HSPA12A: variants seen among roughly 807,000 people sequenced by gnomAD.
HSPA12A encodes heat shock protein family A (Hsp70) member 12A.
In HSPA12A, 28 loss-of-function variants were observed where a neutral mutation model predicts 69.2. The observed-to-expected ratio is 0.40, with a 90% CI of 0.30 to 0.55. The LOEUF is 0.55. Ranked by LOEUF, HSPA12A falls within the 20% of genes least tolerant of loss-of-function variation. The pLI is 0.38. For synonymous variants in HSPA12A, 345 were observed against 370.5 expected, an observed-to-expected ratio of 0.93 and a Z score of 0.79; for missense variants, 686 against 900.7, an observed-to-expected ratio of 0.76 and a Z score of 3.05.
At chr10:116,769,850 C>T (rs544755120) in intron 2 of HSPA12A, among the ~76,000 whole-genome samples, 9 of 152,244 alleles carry the variant, frequency 5.9e-5, no homozygotes, top group African/African-American at 1.4e-4. Flanking sequence ...TTGGGGTGTT[C>T]GGAAGAAAAT....
rs574092950 is a variant in HSPA12A at position 116,842,912 on chromosome 10, C to T, written c.3+6654G>A. On this transcript the variant is annotated intron_variant, in intron 1 of 12. Transcript: ENST00000635765. ...CCAGCCAGCCAAAGTTTCTTTTGCT[C>T]GATCTTTTCCTTTTCTCTTTACTAT... Among the ~76,000 whole-genome samples, 4 of 152,266 alleles carry T rather than the reference C, an allele frequency of 2.6e-5. No homozygotes were observed. In the East Asian group the frequency reaches 7.7e-4, roughly 29 times the overall value.
upstream of HSPA12A, among the ~76,000 whole-genome samples, chr10:116,743,080 C>CTGCAGACCAAGGA (rs1851567930): frequency 6.6e-6 from 1 of 151,216 alleles, no homozygotes; most frequent in Admixed American, 6.6e-5. Context: ...AGGACCCAGG[C>CTGCAGACCAAGGA]CGCAGACCAA....
At chr10:116,684,866 G>A (rs187161763) in intron 6 of HSPA12A, among the ~76,000 whole-genome samples, 4 of 152,226 alleles carry the variant, frequency 2.6e-5, no homozygotes, top group Admixed American at 2.0e-4. Flanking sequence ...ACTCCTGTGG[G>A]CCTTCAGAAG....
At chr10:116,847,524 T>TTTTC (rs1305878387) in intron 1 of HSPA12A, among the ~76,000 whole-genome samples, 1 of 152,180 alleles carries the variant, frequency 6.6e-6, no homozygotes, top group Non-Finnish European at 1.5e-5. Flanking sequence ...CTCAAACTAC[T>TTTTC]TTTCCACCCT....
chr10:116,702,309 T>G (rs1554881730), intron 3 of HSPA12A, among the ~76,000 whole-genome samples: 1 of 152,028 alleles, frequency 6.6e-6, no homozygotes, highest in Admixed American at 6.6e-5. Context: ...TGTGACCCCA[T>G]GCACAGCCCG....
intron 2 of HSPA12A, among the ~76,000 whole-genome samples, chr10:116,774,467 A>G (rs1454662738): frequency 6.6e-6 from 1 of 152,174 alleles, no homozygotes; most frequent in African/African-American, 2.4e-5. Context: ...TCAGGCCCCA[A>G]GGCAGATCTA....
At chr10:116,845,685 A>G (rs950200289) in intron 1 of HSPA12A, among the ~76,000 whole-genome samples, 7 of 152,274 alleles carry the variant, frequency 4.6e-5, no homozygotes, top group South Asian at 2.1e-4. Flanking sequence ...ACCCTTCTCA[A>G]GCTCAGAGAT....
At chr10:116,742,724 C>T (rs1851557328), upstream of HSPA12A, 2 of 489,564 alleles carry the variant, frequency 4.1e-6, no homozygotes, top group Non-Finnish European at 5.4e-6. Context: ...TGCCTGGCTC[C>T]GGAGCTGCGC....
intron 2 of HSPA12A, among the ~76,000 whole-genome samples, chr10:116,802,993 G>C (rs1844990533): frequency 6.6e-6 from 1 of 152,266 alleles, no homozygotes; most frequent in South Asian, 2.1e-4. Context: ...GCCCAAGCCA[G>C]CTGGCAACGA....
At position 116,826,696 on chromosome 10, in the gene HSPA12A, C is replaced by T. The variant is rs955386102; in HGVS notation, c.91+8239G>A. ...ATAATTTCTCTACTGTGTGATACCC[C>T]CAGTTAATGTGTAGCCTTCTGGAGT... On this transcript the variant is annotated intron_variant, in intron 2 of 12. Coordinates refer to the HSPA12A transcript ENST00000635765. Among the ~76,000 whole-genome samples, 13 of 152,252 alleles carry T rather than the reference C, an allele frequency of 8.5e-5. 1 individual carries two copies. The highest frequency in any genetic ancestry group is 5.2e-4 in the Admixed American group (8 of 15,290).
At chr10:116,683,696 TG>T in intron 7 of HSPA12A, 94 bp downstream of exon 7, 1 of 1,233,648 alleles carries the variant, frequency 8.1e-7, no homozygotes, top group Non-Finnish European at 1.1e-6. Context: ...TTCTTCATTA[TG>T]GCACTAAGTG....
intron 3 of HSPA12A, among the ~76,000 whole-genome samples, chr10:116,702,525 T>C (rs1177354694): frequency 2.6e-5 from 4 of 152,176 alleles, no homozygotes; most frequent in Non-Finnish European, 4.4e-5. Context: ...CCCTGGTCAA[T>C]TTCCTTGTCA....
chr10:116,788,867 T>C lies in HSPA12A; in HGVS notation c.91+46068A>G, dbSNP rs912518798. Among the ~76,000 whole-genome samples the C allele has an allele frequency of 2.8e-4, 9 of 32,196 alleles. No individual in the cohort carries two copies. The East Asian group carries it at 7.7e-3, about 28-fold the overall frequency. 21.1% of individuals were successfully genotyped at this position (32,196 alleles called of 152,430 possible). A position where few individuals can be genotyped will look rare whatever the true frequency, so the allele number is the denominator to read the frequency against. On this transcript the variant is annotated intron_variant, in intron 2 of 12. Coordinates refer to the HSPA12A transcript ENST00000635765. ...CATCTGGTAGAATTCTACGCAGCTA[T>C]TTTTTTTTTTTTTTTTGAGACAGAG...
At chr10:116,817,298 T>C (rs558728893) in intron 2 of HSPA12A, among the ~76,000 whole-genome samples, 11 of 152,266 alleles carry the variant, frequency 7.2e-5, no homozygotes, top group African/African-American at 2.2e-4. Flanking sequence ...AGGCTTTGTC[T>C]GTAGTGAATG....
At chr10:116,744,076 C>T (rs183894725), upstream of HSPA12A, among the ~76,000 whole-genome samples, 559 of 152,320 alleles carry the variant, frequency 3.7e-3, 1 homozygote, top group Non-Finnish European at 6.2e-3. Context: ...ACAGCTCCCC[C>T]GCCCTCCTGT....
At chr10:116,836,974 T>A (rs1370196072) in intron 1 of HSPA12A, among the ~76,000 whole-genome samples, 2 of 152,132 alleles carry the variant, frequency 1.3e-5, no homozygotes, top group Non-Finnish European at 2.9e-5. Flanking sequence ...ATACACTATC[T>A]TTATCTAGGA....
upstream of HSPA12A, among the ~76,000 whole-genome samples, chr10:116,744,382 C>T (rs376365569): frequency 1.8e-3 from 274 of 152,338 alleles, 2 homozygotes; most frequent in African/African-American, 6.1e-3. Context: ...ACTCGTTCCT[C>T]CCCATCAGAC....
chr10:116,733,728 G>A (rs1341374139), intron 1 of HSPA12A, among the ~76,000 whole-genome samples: 1 of 152,144 alleles, frequency 6.6e-6, no homozygotes, highest in Non-Finnish European at 1.5e-5. Context: ...AGTGACTGTA[G>A]GCTCTTCCTA....
chr10:116,731,624 C>A (rs1554885765), intron 1 of HSPA12A, among the ~76,000 whole-genome samples: 1 of 152,228 alleles, frequency 6.6e-6, no homozygotes. Context: ...AAATTTCTAA[C>A]AGGTAGTCTC....
Sources: allele counts gnomAD v4.1 joint callset (sites outside exome capture counted in the v4.1 genomes callset), GRCh38; gene constraint gnomAD v4.1.1; transcripts MANE v1.5; gene names NCBI Gene and HGNC (gene_info 2026-07-23, HGNC 2026-07-21).